EPRS1: variants seen among roughly 807,000 people sequenced by gnomAD.
The protein encoded by EPRS1 is glutamyl-prolyl-tRNA synthetase 1.
Under a neutral mutation model 188.3 loss-of-function variants are expected in EPRS1, and 107 were observed. That is an observed-to-expected ratio of 0.57 (90% CI 0.49 to 0.67). The LOEUF (loss-of-function observed/expected upper bound fraction) is 0.67, where lower values mean the gene tolerates loss of function less well. Among genes scored for constraint, EPRS1 ranks in the 30% least tolerant of loss-of-function variants. The pLI is 0.00. For missense variants in EPRS1, 1,577 were observed against 1,802.2 expected, an observed-to-expected ratio of 0.88 and a Z score of 2.26; for synonymous variants, 596 against 593.1, an observed-to-expected ratio of 1.00 and a Z score of -0.07.
intron 20 of EPRS1, among the ~76,000 whole-genome samples, chr1:219,985,072 A>G (rs1660981273): frequency 6.6e-6 from 1 of 151,948 alleles, no homozygotes; most frequent in Middle Eastern, 3.4e-3. Flanking sequence ...AAAAGAAAGA[A>G]ACAAAAACAG....
chr1:219,978,298 G>A (rs529515320), intron 28 of EPRS1, among the ~76,000 whole-genome samples: 69 of 152,138 alleles, frequency 4.5e-4, no homozygotes, highest in Middle Eastern at 6.8e-3. Flanking sequence ...ATAAACAAGC[G>A]CTCGAGATCG....
chr1:220,044,053 C>T lies in EPRS1; in HGVS notation c.46+2290G>A, dbSNP rs545775130. ...GTTGGGGATGTACACTGGAGTTATG[C>T]TGAGATACTGAAGCCTCATATCTAC... is the stretch of plus-strand genomic sequence containing the variant. On this transcript the variant is annotated intron_variant, in intron 1 of 31. Coordinates refer to ENST00000366923, the MANE Select transcript of EPRS1 (RefSeq NM_004446.3). Among the ~76,000 whole-genome samples the T allele has an allele frequency of 3.6e-4, 55 of 152,252 alleles. 1 individual carries two copies. In the South Asian group the frequency reaches 8.5e-3, roughly 24 times the overall value.
intron 13 of EPRS1, among the ~76,000 whole-genome samples, chr1:220,009,391 T>C (rs1323492161): frequency 6.6e-6 from 1 of 152,212 alleles, no homozygotes; most frequent in Non-Finnish European, 1.5e-5. Flanking sequence ...TAATTTTCAG[T>C]ATATAATAAA....
At chr1:219,981,490 T>A in intron 23 of EPRS1, 33 bp from the exon 24 acceptor site, 1 of 1,417,124 alleles carries the variant, frequency 7.1e-7, no homozygotes, top group Non-Finnish European at 9.8e-7. Flanking sequence ...GACAGTCATT[T>A]AAGGCTTTAT....
chr1:219,972,270 C>T (rs571184386), intron 29 of EPRS1, 123 bp from the exon 30 acceptor site: 3 of 575,840 alleles, frequency 5.2e-6, no homozygotes, highest in East Asian at 2.9e-5. Context: ...CAATTTGAAT[C>T]TCAAGTCTAT....
intron 12 of EPRS1, 157 bp downstream of exon 12, chr1:220,018,292 T>C (rs1661762387): frequency 1.1e-6 from 1 of 895,220 alleles, no homozygotes; most frequent in Non-Finnish European, 1.7e-6. Context: ...GCTCTTCGTG[T>C]ATTTAAAAAA....
Position 220,020,135 on chromosome 1 carries a change from T to G in EPRS1, c.1202A>C (p.Asp401Ala). Residue 401 changes from aspartate to alanine, a missense_variant, in exon 10 of 32, where the codon GAC becomes GCC. Physicochemically the swap from Asp to Ala is moderately radical, Grantham distance 126. Transcript: ENST00000366923. Reference protein sequence around the residue: ...THALRTTEYHDRDEQFYWIIE... With the variant: ...THALRTTEYHARDEQFYWIIE... ...AATCCAGTAAAACTGCTCATCTCTG[T>G]CATGGTATTCTGTTGTTCTCAGGGC... is the stretch of plus-strand genomic sequence containing the variant. 6.2e-7 allele frequency: 1 copy of G among 1,614,098 alleles called. No homozygotes were observed. The highest frequency in any genetic ancestry group is 8.5e-7 in the Non-Finnish European group (1 of 1,179,968).
intron 21 of EPRS1, 78 bp downstream of exon 21, chr1:219,984,128 C>A: frequency 1.0e-6 from 1 of 961,158 alleles, no homozygotes; most frequent in Middle Eastern, 2.1e-4. Flanking sequence ...TGCCTTTGTG[C>A]CCATATTTTA....
At chr1:220,003,106 T>C (rs932655969) in intron 16 of EPRS1, among the ~76,000 whole-genome samples, 1 of 152,230 alleles carries the variant, frequency 6.6e-6, no homozygotes, top group African/African-American at 2.4e-5. Context: ...GCAATACATA[T>C]GGGTTCCAAT....
At chr1:220,045,072 C>T (rs767642534) in intron 1 of EPRS1, among the ~76,000 whole-genome samples, 2 of 152,176 alleles carry the variant, frequency 1.3e-5, no homozygotes, top group Non-Finnish European at 2.9e-5. Context: ...TGTTCAACAA[C>T]CTTAAAACAT....
rs1474902542 is a variant in EPRS1, at chr1:220,046,493, C to G, written c.-105G>C. 1.3e-6 allele frequency: 2 copies of G among 1,524,432 alleles called. No individual in the cohort carries two copies. Among genetic ancestry groups the G allele is most frequent in the East Asian group, 5.0e-5 (2 of 40,186 alleles). The allele number at this position is 1,524,432 out of a possible 1,614,324, so 94.4% of individuals were successfully genotyped here. On this transcript the variant is annotated 5_prime_UTR_variant, in exon 1 of 32. Coordinates refer to ENST00000366923, the MANE Select transcript of EPRS1 (RefSeq NM_004446.3). The stretch of plus-strand genomic sequence containing the variant: ...TGCAACGTGTGCGCGTACCCGACGC[C>G]GCCGCAGCCTTCGCTCCGCCCCTGC...
intron 14 of EPRS1, 69 bp from the exon 15 acceptor site, chr1:220,006,382 TATA>T (rs1661488674): frequency 1.5e-5 from 7 of 466,322 alleles, no homozygotes; most frequent in East Asian, 4.1e-5. Flanking sequence ...TATTTTGTTC[TATA>T]ATAATTTTAT....
chr1:219,995,981 G>C (rs1280766572), intron 18 of EPRS1, among the ~76,000 whole-genome samples: 1 of 152,172 alleles, frequency 6.6e-6, no homozygotes, highest in Non-Finnish European at 1.5e-5. Context: ...ATGTGCCACA[G>C]CCTAAATTCT....
At chr1:219,991,144 T>G (rs1661113518) in intron 18 of EPRS1, among the ~76,000 whole-genome samples, 1 of 150,616 alleles carries the variant, frequency 6.6e-6, no homozygotes, top group Non-Finnish European at 1.5e-5. Flanking sequence ...ACATTCTGAT[T>G]ACATTCAGAA....
chr1:220,043,878 C>T (rs1380393482), intron 1 of EPRS1, among the ~76,000 whole-genome samples: 4 of 152,084 alleles, frequency 2.6e-5, no homozygotes, highest in Non-Finnish European at 4.4e-5. Flanking sequence ...AAGCATAATA[C>T]GGGATTTTGA....
chr1:220,005,831 T>G (rs753470687), intron 15 of EPRS1, among the ~76,000 whole-genome samples: 715 of 44,434 alleles, frequency 0.016, 22 homozygotes, highest in East Asian at 0.15. Context: ...TTTTTTTTGT[T>G]TTTTTTTTTG....
chr1:220,001,901 T>C (rs1247790517), intron 16 of EPRS1, among the ~76,000 whole-genome samples: 1 of 150,564 alleles, frequency 6.6e-6, no homozygotes, highest in Non-Finnish European at 1.5e-5. Context: ...TGGCGGCGGG[T>C]GCCTGTAGTC....
intron 28 of EPRS1, among the ~76,000 whole-genome samples, chr1:219,978,294 A>G (rs888248948): frequency 6.6e-6 from 1 of 152,206 alleles, no homozygotes; most frequent in Non-Finnish European, 1.5e-5. Flanking sequence ...AATCATAAAC[A>G]AGCGCTCGAG....
intron 6 of EPRS1, among the ~76,000 whole-genome samples, chr1:220,027,740 T>C (rs2647457): frequency 0.78 from 118,151 of 151,778 alleles, 46,171 homozygotes; most frequent in East Asian, 0.86. Context: ...CCCGACACTA[T>C]GGGAGGCCAA....
Sources: allele counts gnomAD v4.1 joint callset (sites outside exome capture counted in the v4.1 genomes callset), GRCh38; gene constraint gnomAD v4.1.1; transcripts MANE v1.5; gene names NCBI Gene and HGNC (gene_info 2026-07-23, HGNC 2026-07-21).